The following SVEP1 variants were observed in gnomAD, a reference collection of about 807,000 sequenced individuals.
SVEP1 encodes the protein sushi, von Willebrand factor type A, EGF and pentraxin domain-containing protein 1.
SVEP1 carries 164 observed loss-of-function variants against 367.3 expected under a neutral mutation model. The observed-to-expected ratio is 0.45, with a 90% CI of 0.39 to 0.51. The LOEUF (loss-of-function observed/expected upper bound fraction) is 0.51, where lower values mean the gene tolerates loss of function less well. SVEP1 is among the 20% of genes least tolerant of loss of function. The probability of loss-of-function intolerance (pLI) is 0.00; values close to 1 mark genes in which losing one functional copy is unlikely to be tolerated. For missense variants in SVEP1, 4,117 were observed against 4,425.3 expected (o/e 0.93, Z 1.98); for synonymous variants, 1,666 against 1,611.6 (o/e 1.03, Z -0.81).
chr9:110,561,348 C>T (rs1040705356), intron 1 of SVEP1, among the ~76,000 whole-genome samples: 57 of 152,224 alleles, frequency 3.7e-4, no homozygotes, highest in African/African-American at 1.2e-3. Context: ...TTATATTAAC[C>T]CCATCGTAAT....
At position 110,574,776 on chromosome 9, in the gene SVEP1, C is replaced by T. The variant is rs368355776; in HGVS notation, c.531+4237G>A. On this transcript the variant is annotated intron_variant, in intron 1 of 47. Coordinates refer to ENST00000374469, the MANE Select transcript of SVEP1 (RefSeq NM_153366.4). ...TTTTTTTTTTTTTTTTGAGGAGTCT[C>T]ACTCTGTCACCCAGGCTGGAATGCA... 4.4e-3 allele frequency among the ~76,000 whole-genome samples: 502 copies of T among 114,252 alleles called. 9 individuals are homozygous for T. Among genetic ancestry groups the T allele is most frequent in the African/African-American group, 0.015 (477 of 30,952 alleles). The allele number at this position is 114,252 out of a possible 152,430, so 75.0% of individuals were successfully genotyped here.
At chr9:110,578,562 A>C (rs1019134445) in intron 1 of SVEP1, among the ~76,000 whole-genome samples, 2 of 152,220 alleles carry the variant, frequency 1.3e-5, no homozygotes. Context: ...AAATCTAATA[A>C]AGGATTGGAG....
intron 23 of SVEP1, 22 bp from the exon 24 acceptor site, chr9:110,450,282 A>C: frequency 1.9e-6 from 3 of 1,611,866 alleles, no homozygotes; most frequent in Non-Finnish European, 2.5e-6. Flanking sequence ...GAAGGAAGAG[A>C]AACAGCCCAA....
intron 16 of SVEP1, among the ~76,000 whole-genome samples, chr9:110,469,319 C>T (rs935744083): frequency 2.6e-5 from 4 of 152,052 alleles, no homozygotes; most frequent in African/African-American, 9.7e-5. Context: ...AAAGATAAAG[C>T]AAATTCTTAT....
At chr9:110,472,406 A>T in intron 14 of SVEP1, 83 bp from the exon 15 acceptor site, 1 of 1,345,854 alleles carries the variant, frequency 7.4e-7, no homozygotes, top group Non-Finnish European at 9.9e-7. Context: ...GCCACAAGTG[A>T]AATTACACTT....
chr9:110,512,849 G>A lies in SVEP1; in HGVS notation c.1303+77C>T. On this transcript the variant is annotated intron_variant, in intron 5 of 47. Transcript: ENST00000374469. ...GAAATCCAAAAAGAAATGAAGAACT[G>A]ACTGGTTTACTAGAGTTTAAATCAA... The A allele has an allele frequency of 2.6e-6, 4 of 1,524,076 alleles. No homozygotes were observed. In the South Asian group the frequency reaches 4.6e-5, roughly 17 times the overall value. 94.4% of individuals were successfully genotyped at this position (1,524,076 alleles called of 1,614,324 possible). A position where few individuals can be genotyped will look rare whatever the true frequency, so the allele number is the denominator to read the frequency against.
At chr9:110,377,560 T>G (rs1291547804) in intron 44 of SVEP1, among the ~76,000 whole-genome samples, 194 bp from the exon 45 acceptor site, 2 of 152,220 alleles carry the variant, frequency 1.3e-5, no homozygotes, top group Non-Finnish European at 2.9e-5. Context: ...ATTATTTCAG[T>G]TTTCCCTGTA....
chr9:110,425,868 T>G (rs1172241003), intron 36 of SVEP1, among the ~76,000 whole-genome samples: 1 of 152,156 alleles, frequency 6.6e-6, no homozygotes, highest in East Asian at 1.9e-4. Flanking sequence ...TTACCAATAT[T>G]TGTCTTTGGG....
chr9:110,547,117 A>G (rs1830230270), intron 2 of SVEP1, among the ~76,000 whole-genome samples: 1 of 152,150 alleles, frequency 6.6e-6, no homozygotes, highest in African/African-American at 2.4e-5. Context: ...CCTTGGAAGG[A>G]GATTGGTGGT....
At chr9:110,455,457 A>G in intron 22 of SVEP1, 133 bp downstream of exon 22, 1 of 672,442 alleles carries the variant, frequency 1.5e-6, no homozygotes. Context: ...AAGTAATATT[A>G]GAAAATATGC....
Position 110,406,975 on chromosome 9 carries a change from G to T in SVEP1, c.8625C>A (p.Ala2875=). The T allele has an allele frequency of 6.2e-7, 1 of 1,613,892 alleles. No individual in the cohort carries two copies. The highest frequency in any genetic ancestry group is 8.5e-7 in the Non-Finnish European group (1 of 1,179,880). Reference sequence around the variant, plus strand: ...GAGTGGCTCCACTCCAACTTCCATTGGCAAGACAAACCCGACTCCTGGCTC... The same window carrying T: ...GAGTGGCTCCACTCCAACTTCCATTTGCAAGACAAACCCGACTCCTGGCTC... ...LEGARSRVCL[A]NGSWSGATPD... Residue 2875 remains alanine, a synonymous_variant, in exon 38 of 48, where the codon GCC becomes GCA. Coordinates refer to ENST00000374469, the MANE Select transcript of SVEP1 (RefSeq NM_153366.4).
intron 3 of SVEP1, among the ~76,000 whole-genome samples, chr9:110,534,232 T>C (rs954723293): frequency 6.6e-6 from 1 of 152,172 alleles, no homozygotes; most frequent in Non-Finnish European, 1.5e-5. Flanking sequence ...TTTGTCTTCA[T>C]GACGTCTCAT....
At chr9:110,399,949 A>G (rs1827830913) in intron 40 of SVEP1, among the ~76,000 whole-genome samples, 1 of 152,246 alleles carries the variant, frequency 6.6e-6, no homozygotes, top group Non-Finnish European at 1.5e-5. Flanking sequence ...ATTTAGTGAT[A>G]CGGTAATGCT....
chr9:110,465,332 T>C (rs981914403), intron 18 of SVEP1, among the ~76,000 whole-genome samples: 2 of 151,920 alleles, frequency 1.3e-5, no homozygotes, highest in Admixed American at 1.3e-4. Context: ...CAGCCTCTAC[T>C]CAGACAAGTT....
chr9:110,523,820 C>T (rs1829907540), intron 3 of SVEP1, among the ~76,000 whole-genome samples: 1 of 150,260 alleles, frequency 6.7e-6, no homozygotes, highest in South Asian at 2.1e-4. Context: ...AAAATAAACC[C>T]AAATTAGAGG....
At chr9:110,527,660 C>T (rs1829956650) in intron 3 of SVEP1, among the ~76,000 whole-genome samples, 1 of 151,642 alleles carries the variant, frequency 6.6e-6, no homozygotes, top group Non-Finnish European at 1.5e-5. Flanking sequence ...ATGTTTATTG[C>T]CTATTTGTAA....
At position 110,407,088 on chromosome 9, in the gene SVEP1, C is replaced by T. The variant is rs1262795835; in HGVS notation, c.8512G>A (p.Val2838Ile). Residue 2838 changes from valine to isoleucine, a missense_variant, in exon 38 of 48, where the codon GTC (valine) becomes ATC (isoleucine). Around this residue, in one of 4 missense-constraint regions of SVEP1, gnomAD observed 1,765 missense variants for 1,781.1 expected, o/e 0.99. Coordinates refer to ENST00000374469, the MANE Select transcript of SVEP1 (RefSeq NM_153366.4). ...CIPVDCSSPPVSANGQVRGDE... is the reference protein window; with the variant it reads ...CIPVDCSSPPISANGQVRGDE... ...CCTCTCACCTGGCCATTGGCTGAGA[C>T]TGGGGGTGAACTGCAGTCCACAGGA... The T allele has an allele frequency of 6.2e-7, 1 of 1,614,006 alleles. No individual in the cohort carries two copies. The highest frequency in any genetic ancestry group is 8.5e-7 in the Non-Finnish European group (1 of 1,179,890).
Position 110,499,242 on chromosome 9 carries a change from C to T in SVEP1, c.1484-4G>A, listed in dbSNP as rs192079586. 5.5e-3 allele frequency: 8,778 copies of T among 1,607,276 alleles called. 33 individuals are homozygous for T. The highest frequency in any genetic ancestry group is 9.1e-3 in the Middle Eastern group (55 of 6,024). On this transcript the variant is annotated splice_polypyrimidine_tract_variant and splice_region_variant and intron_variant, in intron 6 of 47. Coordinates refer to ENST00000374469, the MANE Select transcript of SVEP1 (RefSeq NM_153366.4). The stretch of plus-strand genomic sequence containing the variant: ...TGAAAGGTGGAACAGTGGCGCTCTA[C>T]GGTAGGGAAACAGAGAGAATGTTAT...
chr9:110,446,985 A>G lies in SVEP1; in HGVS notation c.4176T>C (p.Cys1392=). The change falls in exon 25 of 48, where the codon TGT becomes TGC. Residue 1392 remains cysteine (C), a synonymous_variant. Coordinates refer to ENST00000374469, the MANE Select transcript of SVEP1 (RefSeq NM_153366.4). ...LNINECQSNP[C]RNQATCVDEL... Reference sequence around the variant, plus strand: ...CATCCACACAGGTGGCCTGATTTCTACATGGATTAGACTGACATTCATTGA... The same window carrying G: ...CATCCACACAGGTGGCCTGATTTCTGCATGGATTAGACTGACATTCATTGA... 6.5e-7 allele frequency: 1 copy of G among 1,547,156 alleles called. No homozygotes were observed.
Sources: gnomAD v4.1 joint callset for allele counts (sites outside exome capture counted in the v4.1 genomes callset) on GRCh38, gnomAD v4.1.1 for gene constraint, gnomAD v4.1.1 regional missense constraint, MANE v1.5 for transcripts, NCBI Gene and HGNC (gene_info 2026-07-23, HGNC 2026-07-21) for gene names.